MACROD2: variants seen among roughly 807,000 people sequenced by gnomAD.
MACROD2 encodes mono-ADP ribosylhydrolase 2, also known as ADP-ribose glycohydrolase MACROD2.
Under a neutral mutation model 70.4 loss-of-function variants are expected in MACROD2, and 36 were observed. The observed-to-expected ratio is 0.51, with a 90% CI of 0.39 to 0.68. MACROD2 has a LOEUF of 0.68. MACROD2 is among the 30% of genes least tolerant of loss of function. MACROD2 has a pLI of 0.00. For synonymous variants in MACROD2, 172 were observed against 178.8 expected, an observed-to-expected ratio of 0.96 and a Z score of 0.30; for missense variants, 496 against 538.4, an observed-to-expected ratio of 0.92 and a Z score of 0.78.
chr20:15,638,629 G>A (rs1200688548), intron 8 of MACROD2, among the ~76,000 whole-genome samples: 3 of 152,078 alleles, frequency 2.0e-5, no homozygotes, highest in African/African-American at 7.2e-5. Flanking sequence ...TTAAGTTCCT[G>A]GATTCCTCTT....
At chr20:14,516,070 CAAATAAAT>C (rs886671248) in intron 4 of MACROD2, among the ~76,000 whole-genome samples, 16 of 148,262 alleles carry the variant, frequency 1.1e-4, no homozygotes, top group East Asian at 2.0e-4. Context: ...CATTATCTCT[CAAATAAAT>C]AAATAAATAA....
Position 14,678,544 on chromosome 20 carries a change from C to T in MACROD2, c.302-6299C>T, listed in dbSNP as rs192161026. Among the ~76,000 whole-genome samples the T allele has an allele frequency of 1.5e-3, 225 of 152,072 alleles. 3 individuals are homozygous for T. The East Asian group carries it at 0.022, about 15-fold the overall frequency. On this transcript the variant is annotated intron_variant, in intron 4 of 17. Coordinates refer to ENST00000684519, the MANE Select transcript of MACROD2 (RefSeq NM_001351661.2). Reference sequence around the variant, plus strand: ...CTAGAAGATTGTATTCCACTTTTTTCCCTCTTTTAGATTTCTGATCTTGGG... The same window carrying T: ...CTAGAAGATTGTATTCCACTTTTTTTCCTCTTTTAGATTTCTGATCTTGGG...
At chr20:15,394,343 T>C (rs1037663108) in intron 6 of MACROD2, among the ~76,000 whole-genome samples, 4 of 152,228 alleles carry the variant, frequency 2.6e-5, no homozygotes, top group Non-Finnish European at 2.9e-5. Flanking sequence ...GGCTTAGTCC[T>C]CTTGTAAGAT....
In MACROD2 at chr20:15,021,105, CGTGT is replaced by C. The variant is rs765189027; in HGVS notation, c.419-208834_419-208831del. 9.3e-4 allele frequency among the ~76,000 whole-genome samples: 115 copies of C among 123,784 alleles called. 6 individuals are homozygous for C. The highest frequency in any genetic ancestry group is 2.8e-3 in the African/African-American group (83 of 29,734). 81.2% of individuals were successfully genotyped at this position (123,784 alleles called of 152,430 possible). A position where few individuals can be genotyped will look rare whatever the true frequency, so the allele number is the denominator to read the frequency against. On this transcript the variant is annotated intron_variant, in intron 5 of 17. Coordinates refer to ENST00000684519, the MANE Select transcript of MACROD2 (RefSeq NM_001351661.2). ...GTGTATACACGTGTATGTGTATACA[CGTGT>C]ATGTGTATACACGTGTGTATACACA...
chr20:14,384,066 TGTAAACCTA>T lies in MACROD2; in HGVS notation c.272-109410_272-109402del, dbSNP rs1190521369. Among the ~76,000 whole-genome samples the T allele has an allele frequency of 4.6e-5, 7 of 152,150 alleles. No homozygotes were observed. In the East Asian group the frequency reaches 1.3e-3, roughly 29 times the overall value. On this transcript the variant is annotated intron_variant, in intron 3 of 17. Transcript: ENST00000684519. ...TATTTACTAGTTTTCATATGCTTCTTGTAAACCTAGTCTCACATTAAGAGGATGCTTAAA... is the reference window on the plus strand; with the variant it reads ...TATTTACTAGTTTTCATATGCTTCTTGTCTCACATTAAGAGGATGCTTAAA...
At chr20:15,834,802 A>C (rs1317511170) in intron 8 of MACROD2, among the ~76,000 whole-genome samples, 1 of 152,174 alleles carries the variant, frequency 6.6e-6, no homozygotes, top group African/African-American at 2.4e-5. Flanking sequence ...TTAGTTAAAC[A>C]TTTTGTGGTA....
chr20:15,223,122 A>G (rs972163899), intron 5 of MACROD2, among the ~76,000 whole-genome samples: 3 of 152,224 alleles, frequency 2.0e-5, no homozygotes, highest in Admixed American at 6.5e-5. Flanking sequence ...GATTGATTTC[A>G]GAAATAGATG....
Position 14,901,260 on chromosome 20 carries a change from T to TA in MACROD2, c.418+216308dup, listed in dbSNP as rs542713079. 4.1e-3 allele frequency among the ~76,000 whole-genome samples: 627 copies of TA among 152,152 alleles called. 2 individuals carry two copies. Among genetic ancestry groups the TA allele is most frequent in the African/African-American group, 0.014 (591 of 41,572 alleles). ...GCATTAGACAAATTGTTTGAAGTTT[T>TA]AAAAAAATCTTTACAAATTAAAAGC... On this transcript the variant is annotated intron_variant, in intron 5 of 17. Coordinates refer to ENST00000684519, the MANE Select transcript of MACROD2 (RefSeq NM_001351661.2).
At chr20:15,041,390 T>C (rs1037226448) in intron 5 of MACROD2, among the ~76,000 whole-genome samples, 18 of 152,134 alleles carry the variant, frequency 1.2e-4, no homozygotes, top group African/African-American at 4.3e-4. Flanking sequence ...TACTTCTAGA[T>C]TTTATAGAAG....
chr20:14,938,038 G>C (rs1212761999), intron 5 of MACROD2, among the ~76,000 whole-genome samples: 1 of 143,274 alleles, frequency 7.0e-6, no homozygotes, highest in Non-Finnish European at 1.5e-5. Context: ...TTTTTTATTG[G>C]ATGACTCATG....
chr20:15,051,316 C>G (rs1422374581), intron 5 of MACROD2, among the ~76,000 whole-genome samples: 1 of 148,890 alleles, frequency 6.7e-6, no homozygotes, highest in Non-Finnish European at 1.5e-5. Context: ...AGTAGTTCTA[C>G]AGAACCAGAA....
chr20:15,635,541 T>A (rs1176440475), intron 8 of MACROD2, among the ~76,000 whole-genome samples: 1 of 152,046 alleles, frequency 6.6e-6, no homozygotes, highest in Non-Finnish European at 1.5e-5. Flanking sequence ...AAACATTGGG[T>A]ACTCTTGGAC....
intron 3 of MACROD2, among the ~76,000 whole-genome samples, chr20:14,153,767 A>C (rs1446228843): frequency 1.3e-5 from 2 of 152,228 alleles, no homozygotes; most frequent in Non-Finnish European, 2.9e-5. Context: ...GACATTCACC[A>C]CGCCATTTAA....
At chr20:14,649,575 A>G (rs1025615392) in intron 4 of MACROD2, among the ~76,000 whole-genome samples, 1 of 152,174 alleles carries the variant, frequency 6.6e-6, no homozygotes, top group African/African-American at 2.4e-5. Context: ...TCAGGGAAGG[A>G]CTGCAGTTCC....
intron 3 of MACROD2, among the ~76,000 whole-genome samples, chr20:14,348,548 AG>A (rs1484835200): frequency 6.6e-6 from 1 of 151,818 alleles, no homozygotes; most frequent in East Asian, 1.9e-4. Flanking sequence ...ATCTTTTATT[AG>A]TAGACAAAAA....
At chr20:14,319,080 A>G (rs2082637004) in intron 3 of MACROD2, among the ~76,000 whole-genome samples, 1 of 152,196 alleles carries the variant, frequency 6.6e-6, no homozygotes, top group South Asian at 2.1e-4. Context: ...TTCTGTCATC[A>G]TTATTCAAAA....
At chr20:14,391,648 AAG>A (rs2083527887) in intron 3 of MACROD2, among the ~76,000 whole-genome samples, 1 of 151,642 alleles carries the variant, frequency 6.6e-6, no homozygotes, top group Non-Finnish European at 1.5e-5. Context: ...AGCCTTCTAT[AAG>A]AGATCTGTGT....
At chr20:14,048,086 AACGAAC>A (rs1421607171) in intron 2 of MACROD2, among the ~76,000 whole-genome samples, 2 of 151,980 alleles carry the variant, frequency 1.3e-5, no homozygotes, top group Non-Finnish European at 2.9e-5. Flanking sequence ...AAGTATTGTT[AACGAAC>A]ACCATGGATT....
intron 3 of MACROD2, among the ~76,000 whole-genome samples, chr20:14,196,132 C>T: frequency 6.6e-6 from 1 of 152,108 alleles, no homozygotes. Context: ...AGAAATGAGC[C>T]ACACCCCCAT....
Sources: allele counts gnomAD v4.1 joint callset (sites outside exome capture counted in the v4.1 genomes callset), GRCh38; gene constraint gnomAD v4.1.1; transcripts MANE v1.5; gene names NCBI Gene and HGNC (gene_info 2026-07-23, HGNC 2026-07-21).